PAK5: variants seen among roughly 807,000 people sequenced by gnomAD.
PAK5 encodes the protein p21 (RAC1) activated kinase 5.
In PAK5, 16 loss-of-function variants were observed where a neutral mutation model predicts 65.9. The observed-to-expected ratio is 0.24, with a 90% CI of 0.16 to 0.37. The LOEUF (loss-of-function observed/expected upper bound fraction) is 0.37, where lower values mean the gene tolerates loss of function less well. PAK5 is among the 10% of genes least tolerant of loss of function. The pLI, the probability that PAK5 is intolerant of heterozygous loss-of-function variation, is 1.00. For synonymous variants in PAK5, 371 were observed against 354.9 expected (o/e 1.05, Z -0.51); for missense variants, 785 against 903.9 (o/e 0.87, Z 1.69).
At chr20:9,549,576 T>C (rs1022946148) in intron 7 of PAK5, among the ~76,000 whole-genome samples, 13 of 152,098 alleles carry the variant, frequency 8.5e-5, no homozygotes, top group African/African-American at 3.1e-4. Context: ...GTAAAACTGA[T>C]TGAACACCAG....
At chr20:9,569,600 A>G (rs968681062) in intron 4 of PAK5, among the ~76,000 whole-genome samples, 1 of 152,150 alleles carries the variant, frequency 6.6e-6, no homozygotes, top group Non-Finnish European at 1.5e-5. Flanking sequence ...TGCCACTGAG[A>G]AGTGGGATGG....
At chr20:9,594,019 C>T (rs2046221093) in intron 3 of PAK5, among the ~76,000 whole-genome samples, 1 of 152,218 alleles carries the variant, frequency 6.6e-6, no homozygotes, top group South Asian at 2.1e-4. Flanking sequence ...GGGCTCCCAG[C>T]CATGCACATT....
intron 1 of PAK5, among the ~76,000 whole-genome samples, chr20:9,780,123 G>A (rs1248066007): frequency 6.6e-6 from 1 of 152,096 alleles, no homozygotes; most frequent in Non-Finnish European, 1.5e-5. Flanking sequence ...TTCTAGATTT[G>A]TGGTAAGAAG....
chr20:9,807,391 G>A (rs548617473), intron 1 of PAK5, among the ~76,000 whole-genome samples: 17 of 152,212 alleles, frequency 1.1e-4, no homozygotes, highest in East Asian at 7.7e-4. Flanking sequence ...GCAAGAAAGC[G>A]AAGCACCCAT....
chr20:9,718,953 C>T (rs2048182697), intron 1 of PAK5, among the ~76,000 whole-genome samples: 1 of 152,098 alleles, frequency 6.6e-6, no homozygotes, highest in African/African-American at 2.4e-5. Flanking sequence ...TTAATATAAA[C>T]CTCCTCTGAG....
rs1024480385 is a variant in PAK5, at chr20:9,644,266, A to G, written c.63T>C (p.Val21=). 2 of 1,607,144 alleles carry G rather than the reference A, an allele frequency of 1.2e-6. No homozygotes were observed. The highest frequency in any genetic ancestry group is 1.7e-5 in the Admixed American group (1 of 58,340). Residue 21 remains valine, a synonymous_variant, in exon 3 of 10, where the codon GTT becomes GTC. Transcript: ENST00000353224. The part of the protein sequence containing the change: ...ISGPSNFEHR[V]HTGFDPQEQK... Reference sequence around the variant, plus strand: ...GCTCTTGTGGATCAAACCCAGTATGAACCCTGTGTTCAAAGTTGGACGGGC... The same window carrying G: ...GCTCTTGTGGATCAAACCCAGTATGGACCCTGTGTTCAAAGTTGGACGGGC...
intron 2 of PAK5, among the ~76,000 whole-genome samples, chr20:9,710,087 T>C (rs900105462): frequency 1.3e-5 from 2 of 152,182 alleles, no homozygotes; most frequent in Admixed American, 6.5e-5. Flanking sequence ...AGTTTTAGTG[T>C]TGAAGTTATG....
intron 1 of PAK5, among the ~76,000 whole-genome samples, chr20:9,748,737 C>T (rs1049910562): frequency 6.6e-6 from 1 of 152,134 alleles, no homozygotes; most frequent in Non-Finnish European, 1.5e-5. Context: ...ATAGAATTTT[C>T]TGCAATGCTG....
chr20:9,762,450 G>T (rs926237651), intron 1 of PAK5, among the ~76,000 whole-genome samples: 1 of 151,958 alleles, frequency 6.6e-6, no homozygotes, highest in Non-Finnish European at 1.5e-5. Flanking sequence ...ATTTAAATGG[G>T]CACAGGAAGG....
At chr20:9,698,357 G>A (rs906258648) in intron 2 of PAK5, among the ~76,000 whole-genome samples, 1 of 152,150 alleles carries the variant, frequency 6.6e-6, no homozygotes, top group Non-Finnish European at 1.5e-5. Flanking sequence ...TGGCCAGCCA[G>A]AAAGAGAGGA....
chr20:9,835,987 C>G (rs2043866771), intron 1 of PAK5, among the ~76,000 whole-genome samples: 1 of 152,100 alleles, frequency 6.6e-6, no homozygotes, highest in South Asian at 2.1e-4. Context: ...ACTGGGGGCA[C>G]AGTATGTTTG....
intron 1 of PAK5, among the ~76,000 whole-genome samples, chr20:9,717,903 AGCCACAGCGC>A (rs1321154639): frequency 2.0e-5 from 3 of 152,202 alleles, no homozygotes; most frequent in Non-Finnish European, 4.4e-5. Flanking sequence ...TACAGGTGTG[AGCCACAGCGC>A]TCGGCCGCCA....
chr20:9,684,353 T>C (rs1006240575), intron 2 of PAK5, among the ~76,000 whole-genome samples: 1 of 152,232 alleles, frequency 6.6e-6, no homozygotes, highest in Non-Finnish European at 1.5e-5. Flanking sequence ...CCTATTGCAT[T>C]AAATCACTGA....
intron 1 of PAK5, among the ~76,000 whole-genome samples, chr20:9,795,839 C>A (rs1311935634): frequency 6.6e-6 from 1 of 151,960 alleles, no homozygotes; most frequent in Non-Finnish European, 1.5e-5. Context: ...GAGAAAGAAA[C>A]ATGCAGATAT....
At position 9,612,249 on chromosome 20, in the gene PAK5, GGCACACTTA is replaced by G. The variant is rs549771479; in HGVS notation, c.205-31328_205-31320del. ...CTGGGCCCTGTCTGTTGTTCCTCCTGGCACACTTAGCGCATTTCCTCTTAATGTCGTCTC... is the reference window on the plus strand; with the variant it reads ...CTGGGCCCTGTCTGTTGTTCCTCCTGGCGCATTTCCTCTTAATGTCGTCTC... On this transcript the variant is annotated intron_variant, in intron 3 of 9. Coordinates refer to ENST00000353224, the MANE Select transcript of PAK5 (RefSeq NM_177990.4). Among the ~76,000 whole-genome samples the G allele has an allele frequency of 9.4e-4, 143 of 152,254 alleles. 1 individual carries two copies. In the Middle Eastern group the frequency reaches 0.031, roughly 33 times the overall value.
chr20:9,622,777 C>A (rs2046789014), intron 3 of PAK5, among the ~76,000 whole-genome samples: 1 of 152,190 alleles, frequency 6.6e-6, no homozygotes, highest in Non-Finnish European at 1.5e-5. Flanking sequence ...ACACTTCCAT[C>A]CTGAAACCAT....
intron 1 of PAK5, among the ~76,000 whole-genome samples, chr20:9,827,747 T>A (rs1978379566): frequency 6.6e-6 from 1 of 152,022 alleles, no homozygotes; most frequent in South Asian, 2.1e-4. Context: ...TGACAGAAGA[T>A]CTAATTGAGA....
chr20:9,766,002 T>A (rs2048753064), intron 1 of PAK5, among the ~76,000 whole-genome samples: 1 of 152,044 alleles, frequency 6.6e-6, no homozygotes, highest in Non-Finnish European at 1.5e-5. Context: ...GGCAGGCAGA[T>A]CACGAGGTCA....
At chr20:9,677,563 T>C (rs962905649) in intron 2 of PAK5, among the ~76,000 whole-genome samples, 4 of 152,240 alleles carry the variant, frequency 2.6e-5, no homozygotes, top group Non-Finnish European at 4.4e-5. Context: ...TCCATTTACT[T>C]GTAGATAAAA....
Sources: gnomAD v4.1 joint callset for allele counts (sites outside exome capture counted in the v4.1 genomes callset) on GRCh38, gnomAD v4.1.1 for gene constraint, MANE v1.5 for transcripts, NCBI Gene and HGNC (gene_info 2026-07-23, HGNC 2026-07-21) for gene names.